Variants in CDKL4 observed in about 807,000 individuals in gnomAD.
CDKL4 encodes the protein cyclin-dependent kinase-like 4.
A neutral mutation model predicts 42.0 loss-of-function variants in CDKL4; 44 were observed. The ratio of observed to expected loss-of-function variants is 1.05; its 90% confidence interval spans 0.82 to 1.35. The LOEUF (loss-of-function observed/expected upper bound fraction) is 1.35, where lower values mean the gene tolerates loss of function less well. CDKL4 is among the 40% of genes most tolerant of loss of function. CDKL4 has a pLI of 0.00. For missense variants in CDKL4, 393 were observed against 369.9 expected (o/e 1.06, Z -0.51); for synonymous variants, 120 against 121.6 (o/e 0.99, Z 0.09).
At chr2:39,171,754 G>A (rs759381638), downstream of CDKL4, among the ~76,000 whole-genome samples, 2 of 152,236 alleles carry the variant, frequency 1.3e-5, no homozygotes, top group African/African-American at 2.4e-5. Flanking sequence ...TGTGTGGAAA[G>A]TCTGAGGAAA....
chr2:39,227,468 T>C (rs1414353562), intron 2 of CDKL4, among the ~76,000 whole-genome samples: 2 of 152,038 alleles, frequency 1.3e-5, no homozygotes, highest in Admixed American at 6.6e-5. Flanking sequence ...AGAGAATCCA[T>C]TATACATTAA....
chr2:39,196,575 C>G (rs537945299), intron 5 of CDKL4, among the ~76,000 whole-genome samples: 4 of 152,208 alleles, frequency 2.6e-5, no homozygotes, highest in South Asian at 2.1e-4. Flanking sequence ...TGAGAAGGAA[C>G]CAGAAAAACA....
At chr2:39,187,630 G>T in exon 7 of CDKL4, 1 of 1,602,746 alleles carries the variant, frequency 6.2e-7, no homozygotes, top group Non-Finnish European at 8.5e-7. Flanking sequence ...AGCTTACCAT[G>T]TCTTCTGGCT....
downstream of CDKL4, among the ~76,000 whole-genome samples, chr2:39,174,670 A>G (rs1283611199): frequency 6.6e-6 from 1 of 152,228 alleles, no homozygotes; most frequent in Non-Finnish European, 1.5e-5. Context: ...CAGACACGGG[A>G]GCGGAAATGA....
At chr2:39,205,489 C>G (rs986335617) in intron 4 of CDKL4, among the ~76,000 whole-genome samples, 4 of 151,500 alleles carry the variant, frequency 2.6e-5, no homozygotes, top group Non-Finnish European at 5.9e-5. Flanking sequence ...TAGCCGGGCT[C>G]GGTGGCTCGC....
In CDKL4 at chr2:39,178,693, C is replaced by T. The variant is rs1189904473; in HGVS notation, c.927+494G>A. On this transcript the variant is annotated intron_variant, in intron 9 of 9. Transcript: ENST00000451199. ...ATTTGGTTCCCAGATGTCTGGGTTT[C>T]ATTCCTTTGTACCTGGCAGATCTTG... 4 of 1,609,156 alleles carry T rather than the reference C, an allele frequency of 2.5e-6. No individual in the cohort carries two copies. The South Asian group carries it at 3.3e-5, about 13-fold the overall frequency.
intron 5 of CDKL4, among the ~76,000 whole-genome samples, chr2:39,192,907 T>A (rs1023989661): frequency 6.6e-6 from 1 of 151,338 alleles, no homozygotes; most frequent in Non-Finnish European, 1.5e-5. Context: ...AGGCGGATCG[T>A]GTGAGCCCAG....
intron 5 of CDKL4, among the ~76,000 whole-genome samples, chr2:39,203,438 A>G (rs1278910259): frequency 6.6e-6 from 1 of 152,142 alleles, no homozygotes. Flanking sequence ...TTGGTGGTAT[A>G]TAATGGATTT....
intron 5 of CDKL4, among the ~76,000 whole-genome samples, chr2:39,195,501 T>C (rs770648520): frequency 2.0e-4 from 31 of 152,218 alleles, no homozygotes; most frequent in Non-Finnish European, 4.3e-4. Context: ...AAAATAATAG[T>C]CATCCTAATG....
chr2:39,238,252 G>A (rs1333832438), intron 1 of CDKL4, among the ~76,000 whole-genome samples: 1 of 152,124 alleles, frequency 6.6e-6, no homozygotes, highest in Non-Finnish European at 1.5e-5. Context: ...TCAACATAGT[G>A]AGACCCTATC....
intron 5 of CDKL4, among the ~76,000 whole-genome samples, chr2:39,204,319 A>T (rs900444065): frequency 1.3e-5 from 2 of 152,266 alleles, no homozygotes; most frequent in African/African-American, 4.8e-5. Flanking sequence ...GGCAAAGCAC[A>T]GAAAGGTGAC....
intron 1 of CDKL4, among the ~76,000 whole-genome samples, chr2:39,238,999 G>A (rs989359626): frequency 6.6e-6 from 1 of 152,230 alleles, no homozygotes; most frequent in African/African-American, 2.4e-5. Context: ...TGATCTGCCT[G>A]CTGTGGCCTC....
chr2:39,235,074 G>C (rs531939901), intron 1 of CDKL4, among the ~76,000 whole-genome samples: 1 of 152,030 alleles, frequency 6.6e-6, no homozygotes, highest in East Asian at 1.9e-4. Context: ...ATGGGGTCTT[G>C]GTTTGCTGCC....
intron 2 of CDKL4, 116 bp downstream of exon 2, chr2:39,229,249 G>T: frequency 1.4e-6 from 1 of 734,326 alleles, no homozygotes. Flanking sequence ...CAAAGGTGCT[G>T]ATACAAAGGA....
intron 4 of CDKL4, among the ~76,000 whole-genome samples, chr2:39,209,297 G>A (rs1414210121): frequency 6.9e-6 from 1 of 144,480 alleles, no homozygotes; most frequent in Non-Finnish European, 1.5e-5. Flanking sequence ...GGGAAACAGA[G>A]CAAGATCCTG....
chr2:39,219,703 G>A (rs529736823), intron 3 of CDKL4, among the ~76,000 whole-genome samples: 1 of 152,252 alleles, frequency 6.6e-6, no homozygotes, highest in Admixed American at 6.5e-5. Context: ...TTACAGGTAG[G>A]AGCCACTGTT....
At chr2:39,197,118 G>C (rs1035219024) in intron 5 of CDKL4, among the ~76,000 whole-genome samples, 2 of 152,104 alleles carry the variant, frequency 1.3e-5, no homozygotes, top group Non-Finnish European at 2.9e-5. Flanking sequence ...GTGAAACAGA[G>C]AGCATAAATA....
chr2:39,234,025 T>G (rs1679227114), intron 1 of CDKL4, among the ~76,000 whole-genome samples: 1 of 151,324 alleles, frequency 6.6e-6, no homozygotes, highest in South Asian at 2.1e-4. Flanking sequence ...GCGATTCTCC[T>G]GCCTCCGCCT....
intron 2 of CDKL4, 57 bp downstream of exon 2, chr2:39,229,307 TA>T: frequency 8.0e-7 from 1 of 1,249,654 alleles, no homozygotes; most frequent in Non-Finnish European, 1.1e-6. Context: ...TTTGCAATTT[TA>T]ACATGCATAT....
Sources: gnomAD v4.1 joint callset for allele counts (sites outside exome capture counted in the v4.1 genomes callset) on GRCh38, gnomAD v4.1.1 for gene constraint, MANE v1.5 for transcripts, NCBI Gene and HGNC (gene_info 2026-07-23, HGNC 2026-07-21) for gene names.